The following CSMD2 variants were observed in gnomAD, a reference collection of about 807,000 sequenced individuals.
CSMD2 encodes the protein CUB and Sushi multiple domains 2.
In CSMD2, 130 loss-of-function variants were observed where a neutral mutation model predicts 398.5. The observed-to-expected ratio is 0.33, with a 90% confidence interval of 0.28 to 0.38. The LOEUF is 0.38. Among genes scored for constraint, CSMD2 ranks in the 10% least tolerant of loss-of-function variants. CSMD2 has a pLI of 1.00. For synonymous variants in CSMD2, 1,828 were observed against 1,908.5 expected (o/e 0.96, Z 1.10); for missense variants, 3,829 against 4,764.9 (o/e 0.80, Z 5.78).
chr1:34,082,468 G>C (rs1001357930), intron 2 of CSMD2, among the ~76,000 whole-genome samples: 1 of 150,310 alleles, frequency 6.7e-6, no homozygotes, highest in Non-Finnish European at 1.5e-5. Flanking sequence ...GGGCGCCCAC[G>C]CCCGGCAGCC....
chr1:33,691,130 T>G (rs1645225058), intron 25 of CSMD2, among the ~76,000 whole-genome samples: 1 of 152,120 alleles, frequency 6.6e-6, no homozygotes, highest in African/African-American at 2.4e-5. Flanking sequence ...GGCCCTGAGC[T>G]AGGCCATGTA....
At chr1:33,770,653 C>G (rs746213094) in intron 13 of CSMD2, among the ~76,000 whole-genome samples, 3 of 152,218 alleles carry the variant, frequency 2.0e-5, no homozygotes, top group Admixed American at 6.5e-5. Flanking sequence ...TCATCCTGCT[C>G]TATCCCAGAA....
chr1:33,887,120 A>T (rs191869039), intron 5 of CSMD2, among the ~76,000 whole-genome samples: 7 of 152,288 alleles, frequency 4.6e-5, no homozygotes, highest in African/African-American at 1.7e-4. Context: ...GTTTCCTCGG[A>T]CATTCACATA....
At chr1:33,524,438 G>A (rs767914764) in intron 66 of CSMD2, among the ~76,000 whole-genome samples, 65 of 152,128 alleles carry the variant, frequency 4.3e-4, no homozygotes, top group South Asian at 2.1e-4. Context: ...AGAATTTGGC[G>A]TTCATGGCTG....
At chr1:34,123,970 C>T (rs1011740715) in intron 1 of CSMD2, among the ~76,000 whole-genome samples, 6 of 152,180 alleles carry the variant, frequency 3.9e-5, no homozygotes, top group African/African-American at 1.4e-4. Context: ...TGTACAGTCC[C>T]TTATGTGCTT....
At chr1:33,809,248 G>A (rs539068465) in intron 10 of CSMD2, among the ~76,000 whole-genome samples, 2 of 144,738 alleles carry the variant, frequency 1.4e-5, no homozygotes, top group South Asian at 4.6e-4. Context: ...AACAGGCCAA[G>A]CTCACTAACA....
At chr1:33,726,207 G>T (rs534315684) in intron 16 of CSMD2, among the ~76,000 whole-genome samples, 1 of 152,272 alleles carries the variant, frequency 6.6e-6, no homozygotes, top group African/African-American at 2.4e-5. Context: ...ATTTCCAGGA[G>T]AATGCTCGTC....
chr1:34,159,422 G>A (rs577750303), intron 1 of CSMD2, among the ~76,000 whole-genome samples: 36 of 149,972 alleles, frequency 2.4e-4, no homozygotes, highest in Non-Finnish European at 4.4e-4. Flanking sequence ...AAGCAGCACA[G>A]TATAACTGAT....
At chr1:33,988,362 G>T (rs182735891) in intron 3 of CSMD2, among the ~76,000 whole-genome samples, 1 of 152,292 alleles carries the variant, frequency 6.6e-6, no homozygotes. Context: ...GAGAAGCTGG[G>T]CTGGGAATGG....
intron 5 of CSMD2, among the ~76,000 whole-genome samples, chr1:33,890,870 C>T (rs570315232): frequency 2.6e-4 from 39 of 152,260 alleles, no homozygotes; most frequent in African/African-American, 9.1e-4. Flanking sequence ...TGGATCCCTT[C>T]CTTACACCTT....
chr1:33,936,822 T>C (rs751641380), intron 3 of CSMD2, among the ~76,000 whole-genome samples: 5 of 152,136 alleles, frequency 3.3e-5, no homozygotes, highest in Non-Finnish European at 7.4e-5. Context: ...CCTATCATTC[T>C]AGGATACCCC....
chr1:33,993,079 T>C (rs1251161588), intron 3 of CSMD2, among the ~76,000 whole-genome samples: 2 of 152,202 alleles, frequency 1.3e-5, no homozygotes, highest in Non-Finnish European at 2.9e-5. Context: ...TGTGTGCACA[T>C]GTATGTGTCT....
Position 33,810,828 on chromosome 1 carries a change from C to G in CSMD2, c.1361G>C (p.Gly454Ala), listed in dbSNP as rs935108863. 1.9e-6 allele frequency: 3 copies of G among 1,612,416 alleles called. No individual in the cohort carries two copies. In the African/African-American group the frequency reaches 4.0e-5, roughly 22 times the overall value. The change falls in exon 10 of 71, where the codon GGC (glycine) becomes GCC (alanine). Residue 454 changes from glycine to alanine, a missense_variant. Gly to Ala is a moderately conservative substitution (Grantham distance 60). Transcript: ENST00000373381. The part of the protein sequence containing the change: ...MCDAHLRGPS[G>A]IITSPNFPIQ... ...GGGGAAATTGGGGGAGGTGATGATGCCCGAGGGGCCTCGAAGGTGGGCATC... is the reference window on the plus strand; with the variant it reads ...GGGGAAATTGGGGGAGGTGATGATGGCCGAGGGGCCTCGAAGGTGGGCATC...
At chr1:34,079,419 A>G (rs1656799059) in intron 2 of CSMD2, among the ~76,000 whole-genome samples, 1 of 152,240 alleles carries the variant, frequency 6.6e-6, no homozygotes, top group Non-Finnish European at 1.5e-5. Context: ...ATATACTAAC[A>G]ATGGCTAGTC....
Position 33,907,486 on chromosome 1 carries a change from G to A in CSMD2, c.920+10608C>T, listed in dbSNP as rs780477715. Among the ~76,000 whole-genome samples, 25 of 152,078 alleles carry A rather than the reference G, an allele frequency of 1.6e-4. 1 individual carries two copies. Among genetic ancestry groups the A allele is most frequent in the Non-Finnish European group, 2.8e-4 (19 of 68,012 alleles). ...AGGAGGCTGGAGGGTTGAAGAGTGG[G>A]AGTGAAGTAGGTAAGGAATGAATGG... is the stretch of plus-strand genomic sequence containing the variant. On this transcript the variant is annotated intron_variant, in intron 5 of 70. Transcript: ENST00000373381.
At chr1:33,905,369 A>G (rs145761422) in intron 5 of CSMD2, among the ~76,000 whole-genome samples, 101 of 152,270 alleles carry the variant, frequency 6.6e-4, no homozygotes, top group South Asian at 6.1e-3. Flanking sequence ...AACCAGCTAC[A>G]TGGTTTCATA....
At position 34,118,367 on chromosome 1, in the gene CSMD2, A is replaced by G. The variant is rs1057506425; in HGVS notation, c.188-29174T>C. On this transcript the variant is annotated intron_variant, in intron 1 of 70. Coordinates refer to ENST00000373381, the MANE Select transcript of CSMD2 (RefSeq NM_001281956.2). The stretch of plus-strand genomic sequence containing the variant: ...CTCTAAGATCAGGAACAAGGTATGC[A>G]TGCTCTCTCTCACCAGTCTATTCGG... Among the ~76,000 whole-genome samples the G allele has an allele frequency of 3.3e-5, 5 of 152,210 alleles. No individual in the cohort carries two copies. In the South Asian group the frequency reaches 1.0e-3, roughly 32 times the overall value.
chr1:33,696,191 A>G (rs1645413818), intron 24 of CSMD2, among the ~76,000 whole-genome samples: 1 of 152,234 alleles, frequency 6.6e-6, no homozygotes, highest in African/African-American at 2.4e-5. Flanking sequence ...GAGAATGAGT[A>G]CAAATGAAGA....
intron 3 of CSMD2, among the ~76,000 whole-genome samples, chr1:34,022,283 C>T (rs116528481): frequency 0.012 from 1,881 of 152,290 alleles, 37 homozygotes; most frequent in African/African-American, 0.043. Context: ...CCCATTTCTT[C>T]CCTACAACAA....
Sources: gnomAD v4.1 joint callset for allele counts (sites outside exome capture counted in the v4.1 genomes callset) on GRCh38, gnomAD v4.1.1 for gene constraint, MANE v1.5 for transcripts, NCBI Gene and HGNC (gene_info 2026-07-23, HGNC 2026-07-21) for gene names.